Variants in WDR45B observed in about 807,000 individuals in gnomAD.
WDR45B encodes the protein WD repeat domain phosphoinositide-interacting protein 3.
In WDR45B, 20 loss-of-function variants were observed where a neutral mutation model predicts 44.6. The observed-to-expected ratio is 0.45, with a 90% CI of 0.32 to 0.65. The LOEUF (loss-of-function observed/expected upper bound fraction) is 0.65. Among genes scored for constraint, WDR45B ranks in the 30% least tolerant of loss-of-function variants. WDR45B has a pLI of 0.05. For missense variants in WDR45B, 323 were observed against 430.2 expected, an observed-to-expected ratio of 0.75 and a Z score of 2.20; for synonymous variants, 169 against 164.9, an observed-to-expected ratio of 1.02 and a Z score of -0.19.
intron 7 of WDR45B, 39 bp from the exon 8 acceptor site, chr17:82,617,436 T>C: frequency 6.2e-7 from 1 of 1,600,862 alleles, no homozygotes; most frequent in Non-Finnish European, 8.6e-7. Flanking sequence ...CTTGTGTGGA[T>C]GTGGAGGAGT....
chr17:82,646,983 G>C (rs891594973), intron 1 of WDR45B, among the ~76,000 whole-genome samples: 2 of 152,186 alleles, frequency 1.3e-5, no homozygotes, highest in Non-Finnish European at 2.9e-5. Context: ...TGTAATCCCA[G>C]CACTTTGGGA....
At chr17:82,617,920 T>A (rs1349929135) in intron 7 of WDR45B, among the ~76,000 whole-genome samples, 3 of 151,566 alleles carry the variant, frequency 2.0e-5, no homozygotes, top group Admixed American at 1.3e-4. Flanking sequence ...ATAAATTAAT[T>A]ACATTTTCTT....
Position 82,615,956 on chromosome 17 carries a change from T to C in WDR45B, c.998A>G (p.Tyr333Cys). 1 of 1,613,492 alleles carries C rather than the reference T, an allele frequency of 6.2e-7. No individual in the cohort carries two copies. The highest frequency in any genetic ancestry group is 8.5e-7 in the Non-Finnish European group (1 of 1,179,904). ...ATCGGTCATCTCTAGAAACTGCGCGTAGACATCTCGGATGCACTCCCCCTT... is the reference window on the plus strand; with the variant it reads ...ATCGGTCATCTCTAGAAACTGCGCGCAGACATCTCGGATGCACTCCCCCTT... Reference protein sequence around the residue: ...NPKGECIRDVYAQFLEMTDDK... With the variant: ...NPKGECIRDVCAQFLEMTDDK... Residue 333 changes from tyrosine to cysteine, a missense_variant, in exon 10 of 10, where the codon TAC (tyrosine) becomes TGC (cysteine). Transcript: ENST00000392325.
chr17:82,630,356 T>G (rs1310853204), intron 3 of WDR45B, among the ~76,000 whole-genome samples: 2 of 147,282 alleles, frequency 1.4e-5, no homozygotes, highest in African/African-American at 5.0e-5. Flanking sequence ...CATTCCTGGA[T>G]CTTTCGCCTT....
At chr17:82,636,304 G>A (rs1054680461) in intron 2 of WDR45B, among the ~76,000 whole-genome samples, 1 of 150,956 alleles carries the variant, frequency 6.6e-6, no homozygotes, top group African/African-American at 2.4e-5. Flanking sequence ...TCAGTCACAG[G>A]CACAGTTAGC....
At chr17:82,636,479 CAA>C (rs1453655431) in intron 2 of WDR45B, 1 of 151,846 alleles carries the variant, frequency 6.6e-6, no homozygotes, top group Admixed American at 6.6e-5. Context: ...TAAACCCCGC[CAA>C]AGAGATTCTC....
Position 82,648,016 on chromosome 17 carries a change from C to A in WDR45B, c.67+258G>T, listed in dbSNP as rs1372992025. Among the ~76,000 whole-genome samples, 4 of 123,188 alleles carry A rather than the reference C, an allele frequency of 3.2e-5. 1 individual carries two copies. Among genetic ancestry groups the A allele is most frequent in the Non-Finnish European group, 7.0e-5 (4 of 57,058 alleles). The allele number at this position is 123,188 out of a possible 152,430, so 80.8% of individuals were successfully genotyped here. A position where few individuals can be genotyped will look rare whatever the true frequency, so the allele number is the denominator to read the frequency against. The stretch of plus-strand genomic sequence containing the variant: ...TCGGCCCGGGACGGCCGGCTGGGAG[C>A]GGTCACAACCCGGGGGGTGGGGGAG... On this transcript the variant is annotated intron_variant, in intron 1 of 9. Transcript: ENST00000392325.
rs1598284856 is a variant in WDR45B at position 82,648,319 on chromosome 17, G to C, written c.22C>G (p.Pro8Ala). MNLLPCN[P>A]HGNGLLYAGF... The stretch of plus-strand genomic sequence containing the variant: ...GCGTAGAGCAGCCCGTTGCCGTGAG[G>C]GTTACACGGCAGGAGGTTCATGGCG... The change falls in exon 1 of 10, where the codon CCT (proline) becomes GCT (alanine). Residue 8 changes from proline to alanine, a missense_variant. By Grantham distance (27) the Pro-to-Ala change is conservative. Coordinates refer to ENST00000392325, the MANE Select transcript of WDR45B (RefSeq NM_019613.4). The C allele has an allele frequency of 6.2e-7, 1 of 1,606,962 alleles. No homozygotes were observed. Among genetic ancestry groups the C allele is most frequent in the Non-Finnish European group, 8.5e-7 (1 of 1,178,028 alleles).
At chr17:82,641,847 G>A (rs938923190) in intron 2 of WDR45B, among the ~76,000 whole-genome samples, 2 of 151,422 alleles carry the variant, frequency 1.3e-5, no homozygotes, top group African/African-American at 4.9e-5. Flanking sequence ...GCAGTGAGCC[G>A]AGATCACACC....
At chr17:82,626,808 C>T (rs529394611) in intron 4 of WDR45B, 5 of 269,274 alleles carry the variant, frequency 1.9e-5, no homozygotes, top group Non-Finnish European at 3.6e-5. Context: ...TTTTCCTTTA[C>T]CTTCAAACCG....
chr17:82,618,474 C>G (rs567470733), intron 7 of WDR45B, among the ~76,000 whole-genome samples: 1 of 152,254 alleles, frequency 6.6e-6, no homozygotes, highest in South Asian at 2.1e-4. Context: ...CAAGCCAGAG[C>G]GCTGGTGACG....
At position 82,615,908 on chromosome 17, in the gene WDR45B, C is replaced by A; in HGVS notation, c.*11G>T. The A allele has an allele frequency of 6.2e-7, 1 of 1,612,444 alleles. No individual in the cohort carries two copies. The highest frequency in any genetic ancestry group is 1.3e-5 in the African/African-American group (1 of 74,870). ...GGCAGGTGGTGGGTGCTGTGGCGCC[C>A]CCAGCTGGAGTCACAGCTTGTCATC... On this transcript the variant is annotated 3_prime_UTR_variant, in exon 10 of 10. Coordinates refer to ENST00000392325, the MANE Select transcript of WDR45B (RefSeq NM_019613.4).
In WDR45B at chr17:82,648,414, G is replaced by T. The variant is rs569005222; in HGVS notation, c.-74C>A. 1 of 1,552,264 alleles carries T rather than the reference G, an allele frequency of 6.4e-7. No individual in the cohort carries two copies. The highest frequency in any genetic ancestry group is 8.7e-7 in the Non-Finnish European group (1 of 1,149,058). On this transcript the variant is annotated 5_prime_UTR_variant, in exon 1 of 10. Coordinates refer to ENST00000392325, the MANE Select transcript of WDR45B (RefSeq NM_019613.4). ...TGGGGACGGCGGCCTGGTCCCTTCG[G>T]GCCGGCGCTGAGGCCGCCGCGGCCG...
intron 6 of WDR45B, among the ~76,000 whole-genome samples, chr17:82,620,748 T>C (rs902144549): frequency 1.1e-4 from 17 of 152,192 alleles, no homozygotes; most frequent in African/African-American, 3.9e-4. Context: ...TGTAAAAATC[T>C]GAATTCAGGC....
intron 1 of WDR45B, among the ~76,000 whole-genome samples, chr17:82,647,435 G>A (rs78310203): frequency 0.024 from 3,620 of 152,266 alleles, 147 homozygotes; most frequent in African/African-American, 0.082. Flanking sequence ...CCGAATCCAG[G>A]TCCCGCCCGC....
At chr17:82,627,051 A>G in intron 4 of WDR45B, 153 bp downstream of exon 4, 1 of 754,054 alleles carries the variant, frequency 1.3e-6, no homozygotes, top group Non-Finnish European at 2.4e-6. Flanking sequence ...CAGCAATATA[A>G]ATAATCCTTA....
At chr17:82,618,913 C>G in intron 7 of WDR45B, 130 bp downstream of exon 7, 1 of 813,426 alleles carries the variant, frequency 1.2e-6, no homozygotes, top group Non-Finnish European at 2.1e-6. Flanking sequence ...CCTAGCAGCC[C>G]AAGCTTCTCC....
At chr17:82,632,018 C>T (rs1568010329) in intron 2 of WDR45B, among the ~76,000 whole-genome samples, 1 of 151,720 alleles carries the variant, frequency 6.6e-6, no homozygotes, top group Non-Finnish European at 1.5e-5. Flanking sequence ...GAGGCTGAGG[C>T]TGCAGTGAGC....
rs2045522896 is a variant in WDR45B, at chr17:82,615,703, C to T, written c.*216G>A. On this transcript the variant is annotated 3_prime_UTR_variant, in exon 10 of 10. Coordinates refer to ENST00000392325, the MANE Select transcript of WDR45B (RefSeq NM_019613.4). ...CAGTGGCCGCCAGTCGAGCTGGTCACAGCCACTGAGTTACCTACGGTGCCT... is the reference window on the plus strand; with the variant it reads ...CAGTGGCCGCCAGTCGAGCTGGTCATAGCCACTGAGTTACCTACGGTGCCT... 1.7e-6 allele frequency: 1 copy of T among 579,906 alleles called. No homozygotes were observed. The allele number at this position is 579,906 out of a possible 1,614,324, so 35.9% of individuals were successfully genotyped here.
Sources: allele counts gnomAD v4.1 joint callset (sites outside exome capture counted in the v4.1 genomes callset), GRCh38; gene constraint gnomAD v4.1.1; transcripts MANE v1.5; gene names NCBI Gene and HGNC (gene_info 2026-07-23, HGNC 2026-07-21).